Variants in RPTOR observed in about 807,000 individuals in gnomAD.
The protein encoded by RPTOR is regulatory-associated protein of mTOR.
In RPTOR, 21 loss-of-function variants were observed where a neutral mutation model predicts 169.9. The ratio of observed to expected loss-of-function variants is 0.12; its 90% CI spans 0.09 to 0.18. The LOEUF (loss-of-function observed/expected upper bound fraction) is 0.18, where lower values mean the gene tolerates loss of function less well. Among genes scored for constraint, RPTOR ranks in the 10% least tolerant of loss-of-function variants. The pLI, the probability that RPTOR is intolerant of heterozygous loss-of-function variation, is 1.00. For synonymous variants in RPTOR, 732 were observed against 753.2 expected (o/e 0.97, Z 0.46); for missense variants, 1,133 against 1,855.9 (o/e 0.61, Z 7.16).
At chr17:80,601,573 A>T (rs78694135) in intron 1 of RPTOR, among the ~76,000 whole-genome samples, 10,055 of 13,906 alleles carry the variant, frequency 0.72, 3,481 homozygotes, top group African/African-American at 0.76. Flanking sequence ...TTTTTTTTTT[A>T]AATTTATTTT....
intron 3 of RPTOR, among the ~76,000 whole-genome samples, chr17:80,682,822 C>T (rs568703898): frequency 2.6e-5 from 4 of 151,728 alleles, no homozygotes; most frequent in Non-Finnish European, 4.4e-5. Context: ...AGAAAAATAG[C>T]GTCTTGCTGT....
chr17:80,730,771 T>TTTTTTTTTTTTTCCGGGGGGGGG lies in RPTOR; in HGVS notation c.654+65_654+66insTTTTTTTTTTTTCCGGGGGGGGG. The TTTTTTTTTTTTTCCGGGGGGGGG allele has an allele frequency of 2.1e-6, 1 of 479,856 alleles. No individual in the cohort carries two copies. Among genetic ancestry groups the TTTTTTTTTTTTTCCGGGGGGGGG allele is most frequent in the Non-Finnish European group, 4.0e-6 (1 of 250,638 alleles). The allele number at this position is 479,856 out of a possible 1,614,324, so 29.7% of individuals were successfully genotyped here. ...TTTTGTTTTCCCTGGGGGTGGGGTT[T>TTTTTTTTTTTTTCCGGGGGGGGG]GGGTGGGGAGGTTGGGAGGTGTTGG... On this transcript the variant is annotated intron_variant, in intron 5 of 33. Coordinates refer to ENST00000306801, the MANE Select transcript of RPTOR (RefSeq NM_020761.3). This position sits in a 1 kb window ranked among gnomAD's most constrained non-coding sequence, Gnocchi z 4.2.
chr17:80,811,120 T>A (rs1345013493), intron 7 of RPTOR, among the ~76,000 whole-genome samples: 1 of 152,236 alleles, frequency 6.6e-6, no homozygotes, highest in Non-Finnish European at 1.5e-5. Flanking sequence ...TAATGTTAAA[T>A]GGACGCAATA....
chr17:80,908,485 G>A (rs1378707965), intron 20 of RPTOR, among the ~76,000 whole-genome samples: 1 of 152,200 alleles, frequency 6.6e-6, no homozygotes, highest in Non-Finnish European at 1.5e-5. Flanking sequence ...TCTAGGATGT[G>A]ACATCAGACG....
chr17:80,857,135 A>G (rs2067861112), intron 12 of RPTOR, among the ~76,000 whole-genome samples: 1 of 152,220 alleles, frequency 6.6e-6, no homozygotes, highest in African/African-American at 2.4e-5. Context: ...GTACTTTGCC[A>G]GGCATCCTCC....
At chr17:80,893,960 G>A in intron 20 of RPTOR, 95 bp downstream of exon 20, 2 of 1,251,786 alleles carry the variant, frequency 1.6e-6, no homozygotes, top group Non-Finnish European at 2.1e-6. Context: ...AGGTCAGTGG[G>A]TGTCAAAACT....
intron 1 of RPTOR, among the ~76,000 whole-genome samples, chr17:80,620,453 G>A (rs1450274457): frequency 6.6e-6 from 1 of 152,146 alleles, no homozygotes; most frequent in Non-Finnish European, 1.5e-5. Flanking sequence ...TTTAGGTATA[G>A]CTAAGAATTT....
chr17:80,698,916 T>A lies in RPTOR; in HGVS notation c.349-8925T>A, dbSNP rs192234295. 3.3e-3 allele frequency among the ~76,000 whole-genome samples: 505 copies of A among 152,338 alleles called. 2 individuals are homozygous for A. The highest frequency in any genetic ancestry group is 5.2e-3 in the Non-Finnish European group (357 of 68,026). On this transcript the variant is annotated intron_variant, in intron 3 of 33. Coordinates refer to ENST00000306801, the MANE Select transcript of RPTOR (RefSeq NM_020761.3). ...AGCCTGCTGGCCAGGAAGCGCCAGC[T>A]TGTGTCTGATTGCTAGGTTACCCTG...
chr17:80,684,605 C>T (rs539625894), intron 3 of RPTOR, among the ~76,000 whole-genome samples: 2 of 151,900 alleles, frequency 1.3e-5, no homozygotes, highest in Non-Finnish European at 1.5e-5. Flanking sequence ...CCACCACACC[C>T]GGCTAATTTT....
intron 5 of RPTOR, among the ~76,000 whole-genome samples, chr17:80,740,049 GA>G (rs2143248505): frequency 6.6e-6 from 1 of 152,056 alleles, no homozygotes; most frequent in African/African-American, 2.4e-5. Flanking sequence ...TAACAAAATA[GA>G]AAAATCAAGA....
chr17:80,797,834 G>T (rs888584058), intron 7 of RPTOR, among the ~76,000 whole-genome samples: 1 of 152,104 alleles, frequency 6.6e-6, no homozygotes, highest in Non-Finnish European at 1.5e-5. Context: ...CTACCTCAGG[G>T]CCCCTTTTTC....
chr17:80,932,526 A>C (rs2068910367), intron 24 of RPTOR, among the ~76,000 whole-genome samples: 1 of 152,228 alleles, frequency 6.6e-6, no homozygotes, highest in African/African-American at 2.4e-5. Context: ...GACAACAAAC[A>C]TGAACAGATG....
chr17:80,856,394 G>A (rs1051725135), intron 12 of RPTOR, among the ~76,000 whole-genome samples: 4 of 152,196 alleles, frequency 2.6e-5, no homozygotes, highest in South Asian at 2.1e-4. Context: ...GGAGCGGTGC[G>A]GTGGGGCGGT....
intron 2 of RPTOR, among the ~76,000 whole-genome samples, chr17:80,636,849 T>G (rs1241745943): frequency 6.6e-6 from 1 of 152,156 alleles, no homozygotes; most frequent in Non-Finnish European, 1.5e-5. Context: ...TTCCGCTGCT[T>G]TCTGTAGGGC....
At chr17:80,620,290 C>A (rs889693449) in intron 1 of RPTOR, among the ~76,000 whole-genome samples, 13 of 152,074 alleles carry the variant, frequency 8.5e-5, no homozygotes, top group Non-Finnish European at 1.5e-4. Context: ...GTCTTAAAGT[C>A]AAAAAACTTA....
intron 2 of RPTOR, among the ~76,000 whole-genome samples, chr17:80,626,520 GC>G (rs1181904221): frequency 6.6e-6 from 1 of 152,036 alleles, no homozygotes; most frequent in Non-Finnish European, 1.5e-5. Context: ...AATAATAATG[GC>G]CATCATTTGC....
At chr17:80,949,322 A>G in intron 27 of RPTOR, 121 bp from the exon 28 acceptor site, 1 of 825,434 alleles carries the variant, frequency 1.2e-6, no homozygotes, top group East Asian at 2.4e-5. Flanking sequence ...GTAGTGAGTC[A>G]GGCTGGCCGC....
chr17:80,933,340 T>G (rs2068920489), intron 24 of RPTOR, among the ~76,000 whole-genome samples: 1 of 152,192 alleles, frequency 6.6e-6, no homozygotes, highest in African/African-American at 2.4e-5. Context: ...CCTACACTAG[T>G]AATGAAAACC....
intron 5 of RPTOR, among the ~76,000 whole-genome samples, chr17:80,738,981 A>C (rs2066458293): frequency 9.6e-6 from 1 of 104,416 alleles, no homozygotes; most frequent in African/African-American, 3.8e-5. Flanking sequence ...CTTAGAGTTT[A>C]ACCTTTTTTT....
Sources: gnomAD v4.1 joint callset for allele counts (sites outside exome capture counted in the v4.1 genomes callset) on GRCh38, gnomAD v4.1.1 for gene constraint, Gnocchi (gnomAD v3.1) non-coding constraint, MANE v1.5 for transcripts, NCBI Gene and HGNC (gene_info 2026-07-23, HGNC 2026-07-21) for gene names.